The following CDH13 variants were observed in gnomAD, a reference collection of about 807,000 sequenced individuals.
CDH13 encodes cadherin 13.
Under a neutral mutation model 63.8 loss-of-function variants are expected in CDH13, and 24 were observed. The observed-to-expected ratio is 0.38, with a 90% CI of 0.27 to 0.53. The LOEUF (loss-of-function observed/expected upper bound fraction) is 0.53. Among genes scored for constraint, CDH13 ranks in the 20% least tolerant of loss-of-function variants. CDH13 has a pLI of 0.85. For missense variants in CDH13, 1,049 were observed against 903.1 expected (o/e 1.16, Z -2.07); for synonymous variants, 503 against 355.3 (o/e 1.42, Z -4.67).
At chr16:83,374,814 A>G (rs1461021369) in intron 6 of CDH13, among the ~76,000 whole-genome samples, 3 of 152,184 alleles carry the variant, frequency 2.0e-5, no homozygotes, top group Non-Finnish European at 4.4e-5. Flanking sequence ...ACAGACTCCA[A>G]CCACTGGTAT....
chr16:83,374,227 G>A (rs770697213), intron 6 of CDH13, among the ~76,000 whole-genome samples: 6 of 152,168 alleles, frequency 3.9e-5, no homozygotes, highest in Non-Finnish European at 8.8e-5. Flanking sequence ...AGTCAATAGT[G>A]TGCCCCAGAC....
chr16:82,642,597 C>T (rs1368863074), intron 1 of CDH13, among the ~76,000 whole-genome samples: 4 of 152,150 alleles, frequency 2.6e-5, no homozygotes, highest in Non-Finnish European at 5.9e-5. Flanking sequence ...CAATCTCCAC[C>T]AGACTGTGCA....
intron 13 of CDH13, among the ~76,000 whole-genome samples, chr16:83,793,059 A>G (rs1916377748): frequency 6.6e-6 from 1 of 152,228 alleles, no homozygotes; most frequent in Non-Finnish European, 1.5e-5. Context: ...AAGGTCAGAA[A>G]AATGAGTACA....
At chr16:83,273,590 G>T (rs561752438) in intron 5 of CDH13, among the ~76,000 whole-genome samples, 20 of 152,236 alleles carry the variant, frequency 1.3e-4, no homozygotes, top group African/African-American at 4.8e-4. Flanking sequence ...TGGAGCTGTG[G>T]ACCATTATCC....
intron 2 of CDH13, among the ~76,000 whole-genome samples, chr16:82,961,396 T>G (rs1313692068): frequency 6.6e-6 from 1 of 152,136 alleles, no homozygotes; most frequent in Non-Finnish European, 1.5e-5. Flanking sequence ...TGTTCTTCTT[T>G]TCTTTAGGCT....
chr16:83,594,283 T>C (rs1159028380), intron 7 of CDH13, among the ~76,000 whole-genome samples: 2 of 152,264 alleles, frequency 1.3e-5, no homozygotes, highest in African/African-American at 4.8e-5. Context: ...TTCAGCACTT[T>C]ACCTCTTTTA....
intron 1 of CDH13, among the ~76,000 whole-genome samples, chr16:82,704,302 C>A (rs547949466): frequency 4.2e-4 from 64 of 152,322 alleles, no homozygotes; most frequent in Admixed American, 1.2e-3. Context: ...ATGGATGTTA[C>A]AGAATGAATC....
At chr16:83,218,720 A>G (rs936286464) in intron 5 of CDH13, among the ~76,000 whole-genome samples, 8 of 152,174 alleles carry the variant, frequency 5.3e-5, no homozygotes, top group African/African-American at 1.7e-4. Context: ...AGTGATCAAG[A>G]GCTGTGGGAT....
intron 2 of CDH13, among the ~76,000 whole-genome samples, chr16:82,931,834 A>T (rs1014774283): frequency 2.4e-4 from 36 of 152,144 alleles, no homozygotes; most frequent in South Asian, 1.0e-3. Flanking sequence ...ATTATTTCCC[A>T]CATGGTCCCA....
intron 2 of CDH13, among the ~76,000 whole-genome samples, chr16:82,877,924 G>GACACACACAC (rs1213536997): frequency 0.064 from 8,239 of 129,246 alleles, 301 homozygotes; most frequent in Non-Finnish European, 0.069. Flanking sequence ...CATACACATA[G>GACACACACAC]ACACACACAC....
intron 3 of CDH13, among the ~76,000 whole-genome samples, chr16:83,116,038 C>T (rs1046930918): frequency 6.6e-6 from 1 of 152,334 alleles, no homozygotes; most frequent in East Asian, 1.9e-4. Context: ...TCACCACTTC[C>T]TTCAGTTGGC....
chr16:82,818,080 T>A (rs1555523713), intron 1 of CDH13, among the ~76,000 whole-genome samples: 2 of 151,794 alleles, frequency 1.3e-5, no homozygotes, highest in Non-Finnish European at 2.9e-5. Context: ...GCACACATGT[T>A]TATATATGAA....
rs1555562539 is a variant in CDH13 at position 83,014,743 on chromosome 16, A to AT, written c.158-17267_158-17266insT. 3.8e-3 allele frequency among the ~76,000 whole-genome samples: 125 copies of AT among 33,218 alleles called. 2 individuals carry two copies. The highest frequency in any genetic ancestry group is 5.2e-3 in the Non-Finnish European group (96 of 18,524). The allele number at this position is 33,218 out of a possible 152,430, so 21.8% of individuals were successfully genotyped here. On this transcript the variant is annotated intron_variant, in intron 2 of 13. Coordinates refer to ENST00000567109, the MANE Select transcript of CDH13 (RefSeq NM_001257.5). ...GAGACTCCATCTAAAAAAAAAAAAA[A>AT]ATATATATATATATATATATATATA...
At chr16:83,544,552 A>C (rs376566691) in intron 7 of CDH13, among the ~76,000 whole-genome samples, 4 of 152,198 alleles carry the variant, frequency 2.6e-5, no homozygotes, top group African/African-American at 9.7e-5. Flanking sequence ...ACTTCGTTAT[A>C]AAATAGGCAT....
chr16:82,643,312 C>T (rs1909648392), intron 1 of CDH13, among the ~76,000 whole-genome samples: 1 of 152,222 alleles, frequency 6.6e-6, no homozygotes, highest in African/African-American at 2.4e-5. Context: ...CACCACCTGT[C>T]TTACAGTTGT....
At chr16:83,647,307 T>A (rs6563958) in intron 8 of CDH13, among the ~76,000 whole-genome samples, 123,280 of 144,228 alleles carry the variant, frequency 0.85, 52,697 homozygotes, top group Admixed American at 0.89. Context: ...AGTGAGACTC[T>A]GTCTCAAAAA....
At chr16:82,755,018 T>G (rs1359905056) in intron 1 of CDH13, among the ~76,000 whole-genome samples, 2 of 152,200 alleles carry the variant, frequency 1.3e-5, no homozygotes, top group Non-Finnish European at 2.9e-5. Context: ...GGAAACAAAT[T>G]CATCAGAAGT....
chr16:83,460,027 A>G (rs1275914839), intron 6 of CDH13, among the ~76,000 whole-genome samples: 1 of 152,266 alleles, frequency 6.6e-6, no homozygotes, highest in African/African-American at 2.4e-5. Flanking sequence ...GGGGATCAGT[A>G]ACAAGATTAT....
intron 1 of CDH13, among the ~76,000 whole-genome samples, chr16:82,658,928 G>C (rs1280693366): frequency 6.6e-6 from 1 of 152,154 alleles, no homozygotes; most frequent in African/African-American, 2.4e-5. Flanking sequence ...GGTTCTCAAG[G>C]GGGTGGATTT....
Sources: gnomAD v4.1 joint callset for allele counts (sites outside exome capture counted in the v4.1 genomes callset) on GRCh38, gnomAD v4.1.1 for gene constraint, MANE v1.5 for transcripts, NCBI Gene and HGNC (gene_info 2026-07-23, HGNC 2026-07-21) for gene names.